RERE: variants seen among roughly 807,000 people sequenced by gnomAD.
The protein encoded by RERE is arginine-glutamic acid dipeptide repeats protein.
A neutral mutation model predicts 146.1 loss-of-function variants in RERE; 40 were observed. That is an observed-to-expected ratio of 0.27 (90% confidence interval 0.21 to 0.36). The LOEUF (loss-of-function observed/expected upper bound fraction) is 0.36, where lower values mean the gene tolerates loss of function less well. RERE is among the 10% of genes least tolerant of loss of function. The pLI is 1.00. For missense variants in RERE, 1,933 were observed against 2,138.7 expected (o/e 0.90, Z 1.90); for synonymous variants, 1,003 against 866.0 (o/e 1.16, Z -2.78).
intron 6 of RERE, among the ~76,000 whole-genome samples, chr1:8,549,049 T>A (rs1557682239): frequency 6.6e-6 from 1 of 152,182 alleles, no homozygotes; most frequent in Non-Finnish European, 1.5e-5. Context: ...CTTACAAGTC[T>A]GGAGTTAGGG....
At chr1:8,718,269 G>A (rs1639798981) in intron 1 of RERE, among the ~76,000 whole-genome samples, 1 of 152,196 alleles carries the variant, frequency 6.6e-6, no homozygotes, top group East Asian at 1.9e-4. Context: ...AAAGCCGTTA[G>A]ATTTCTAGAA....
intron 10 of RERE, among the ~76,000 whole-genome samples, chr1:8,486,109 T>C (rs1363557295): frequency 6.6e-6 from 1 of 152,204 alleles, no homozygotes; most frequent in Non-Finnish European, 1.5e-5. Flanking sequence ...ACAATCACTA[T>C]TGAAGACTTT....
intron 10 of RERE, among the ~76,000 whole-genome samples, 178 bp downstream of exon 10, chr1:8,494,885 T>C (rs749522414): frequency 1.3e-5 from 2 of 152,134 alleles, no homozygotes; most frequent in Non-Finnish European, 2.9e-5. Context: ...GATTAGGAAA[T>C]GAACCTGCAG....
intron 2 of RERE, among the ~76,000 whole-genome samples, chr1:8,654,028 C>CTT (rs879596794): frequency 1.4e-5 from 2 of 140,876 alleles, no homozygotes; most frequent in African/African-American, 5.2e-5. Flanking sequence ...CTAGCACTGA[C>CTT]TTTTTTTTTT....
intron 1 of RERE, chr1:8,798,660 A>G (rs1020121680): frequency 9.4e-6 from 2 of 212,008 alleles, no homozygotes; most frequent in South Asian, 1.8e-4. Context: ...GTGGGCAAGA[A>G]GAAGATGAAG....
intron 1 of RERE, among the ~76,000 whole-genome samples, chr1:8,723,923 G>A (rs1411494127): frequency 2.6e-5 from 4 of 152,154 alleles, no homozygotes; most frequent in African/African-American, 9.7e-5. Flanking sequence ...CAAGCTGAAA[G>A]AGCCTTGAAT....
intron 10 of RERE, among the ~76,000 whole-genome samples, chr1:8,468,612 G>T (rs1253768055): frequency 1.3e-5 from 2 of 152,174 alleles, no homozygotes; most frequent in Non-Finnish European, 2.9e-5. Flanking sequence ...ATGAGGCTAG[G>T]CACAGTGGCT....
chr1:8,556,540 T>A lies in RERE; in HGVS notation c.660A>T (p.Pro220=). ...TGAAGAGCTCTCGGTTCTTGATAAC[T>A]GGGTCTGTAATGACAAGTTCTCTTC... is the stretch of plus-strand genomic sequence containing the variant. The part of the protein sequence containing the change: ...DSGRELVITD[P]VIKNRELFIS... Residue 220 remains proline, a synonymous_variant, in exon 6 of 23, where the codon CCA becomes CCT. Coordinates refer to ENST00000400908, the MANE Select transcript of RERE (RefSeq NM_001042681.2). The A allele has an allele frequency of 6.2e-7, 1 of 1,610,258 alleles. No homozygotes were observed. The highest frequency in any genetic ancestry group is 8.5e-7 in the Non-Finnish European group (1 of 1,176,506).
intron 8 of RERE, among the ~76,000 whole-genome samples, chr1:8,498,818 T>C (rs1036064301): frequency 1.5e-4 from 23 of 148,836 alleles, no homozygotes; most frequent in African/African-American, 5.7e-4. Context: ...CAGTGATTTC[T>C]TTACGAAAGA....
At chr1:8,378,754 A>T (rs1428274770) in intron 12 of RERE, among the ~76,000 whole-genome samples, 1 of 152,194 alleles carries the variant, frequency 6.6e-6, no homozygotes, top group Non-Finnish European at 1.5e-5. Context: ...CATGGCAACC[A>T]CAGCAGACTA....
intron 4 of RERE, among the ~76,000 whole-genome samples, chr1:8,562,540 G>C (rs1341104316): frequency 6.6e-6 from 1 of 152,150 alleles, no homozygotes; most frequent in Non-Finnish European, 1.5e-5. Context: ...CCAGGCTGGA[G>C]TGCAATGGCA....
chr1:8,637,107 TA>T lies in RERE; in HGVS notation c.326-12728del, dbSNP rs544812040. 2.8e-4 allele frequency among the ~76,000 whole-genome samples: 42 copies of T among 152,206 alleles called. No homozygotes were observed. The South Asian group carries it at 8.7e-3, about 32-fold the overall frequency. On this transcript the variant is annotated intron_variant, in intron 2 of 22. Transcript: ENST00000400908. ...AAAAAGCTAGGAACAGATGATGCAT[TA>T]AAAAGTAGAACACAGAGCTCTTAAT...
In RERE at chr1:8,455,388, G is replaced by A. The variant is rs147564931; in HGVS notation, c.1203+10537C>T. On this transcript the variant is annotated intron_variant, in intron 11 of 22. Coordinates refer to ENST00000400908, the MANE Select transcript of RERE (RefSeq NM_001042681.2). Reference sequence around the variant, plus strand: ...TGTGTTAGAACAGCCAGATTCACCTGTGCTGCCCACTGAGCTCTTTCCTTC... The same window carrying A: ...TGTGTTAGAACAGCCAGATTCACCTATGCTGCCCACTGAGCTCTTTCCTTC... Among the ~76,000 whole-genome samples the A allele has an allele frequency of 4.7e-3, 720 of 152,236 alleles. 18 individuals carry two copies. Among genetic ancestry groups the A allele is most frequent in the Admixed American group, 0.038 (582 of 15,292 alleles).
rs1226118381 is a variant in RERE, at chr1:8,423,875, C to T, written c.1204-1068G>A. ...CCCTCCTGTCCGCCAGCCGGGGCCC[C>T]GCGCCCCGGCCCCGGCCCCGCCCCC... is the stretch of plus-strand genomic sequence containing the variant. On this transcript the variant is annotated intron_variant, in intron 11 of 22. Transcript: ENST00000400908. The surrounding 1 kb of genome is among the most constrained non-coding windows in gnomAD (Gnocchi z 5.4). The T allele has an allele frequency of 2.2e-4, 38 of 172,106 alleles. No individual in the cohort carries two copies. The highest frequency in any genetic ancestry group is 1.5e-3 in the Admixed American group (22 of 15,042). 10.7% of individuals were successfully genotyped at this position (172,106 alleles called of 1,614,324 possible). A position where few individuals can be genotyped will look rare whatever the true frequency, so the allele number is the denominator to read the frequency against.
chr1:8,407,088 C>A (rs145669584), intron 12 of RERE, among the ~76,000 whole-genome samples: 4 of 152,350 alleles, frequency 2.6e-5, no homozygotes, highest in African/African-American at 4.8e-5. Flanking sequence ...GTGTTTGGGG[C>A]AGGCATTCGC....
At chr1:8,683,352 T>C (rs1639016037) in intron 1 of RERE, among the ~76,000 whole-genome samples, 1 of 152,058 alleles carries the variant, frequency 6.6e-6, no homozygotes, top group Admixed American at 6.6e-5. Flanking sequence ...GAGAATGGCA[T>C]AAAAGGGCAC....
chr1:8,782,603 G>A (rs1373413663), intron 1 of RERE, among the ~76,000 whole-genome samples: 1 of 152,080 alleles, frequency 6.6e-6, no homozygotes, highest in Non-Finnish European at 1.5e-5. Context: ...TAACCTTGGT[G>A]TGTCCAAAGT....
intron 1 of RERE, among the ~76,000 whole-genome samples, chr1:8,751,256 G>A (rs1640529052): frequency 2.0e-5 from 3 of 152,058 alleles, no homozygotes; most frequent in Admixed American, 2.0e-4. Flanking sequence ...CCCTACCTCT[G>A]CCAGCCCTGC....
chr1:8,555,724 C>T (rs974288191), intron 6 of RERE, among the ~76,000 whole-genome samples: 4 of 152,148 alleles, frequency 2.6e-5, no homozygotes, highest in African/African-American at 7.2e-5. Context: ...CATACACACA[C>T]AAAATGAGCC....
Sources: gnomAD v4.1 joint callset for allele counts (sites outside exome capture counted in the v4.1 genomes callset) on GRCh38, gnomAD v4.1.1 for gene constraint, Gnocchi (gnomAD v3.1) non-coding constraint, MANE v1.5 for transcripts, NCBI Gene and HGNC (gene_info 2026-07-23, HGNC 2026-07-21) for gene names.